Variants in TYW1B observed in about 807,000 individuals in gnomAD.
The protein encoded by TYW1B is tRNA-yW synthesizing protein 1 homolog B.
TYW1B carries 73 observed loss-of-function variants against 86.9 expected under a neutral mutation model. The observed-to-expected ratio is 0.84, with a 90% confidence interval of 0.70 to 1.02. TYW1B has a LOEUF of 1.02. Among genes scored for constraint, TYW1B ranks in the 50% least tolerant of loss-of-function variants. The probability of loss-of-function intolerance (pLI) is 0.00; values close to 1 mark genes in which losing one functional copy is unlikely to be tolerated. For missense variants in TYW1B, 637 were observed against 827.4 expected, an observed-to-expected ratio of 0.77 and a Z score of 2.82; for synonymous variants, 248 against 292.8, an observed-to-expected ratio of 0.85 and a Z score of 1.56.
At chr7:72,584,280 T>G (rs569244748) in intron 13 of TYW1B, among the ~76,000 whole-genome samples, 1 of 152,174 alleles carries the variant, frequency 6.6e-6, no homozygotes, top group Non-Finnish European at 1.5e-5. Context: ...CCAGGGCTCA[T>G]GCAATTCTCC....
chr7:72,713,059 G>C (rs1439144731), intron 10 of TYW1B, among the ~76,000 whole-genome samples: 1 of 151,788 alleles, frequency 6.6e-6, no homozygotes, highest in Non-Finnish European at 1.5e-5. Flanking sequence ...AGCACTTTCA[G>C]AGGCTGAGGC....
chr7:72,682,899 A>T (rs1554448655), intron 11 of TYW1B, among the ~76,000 whole-genome samples: 1 of 152,146 alleles, frequency 6.6e-6, no homozygotes, highest in East Asian at 1.9e-4. Flanking sequence ...TCCAGTCATT[A>T]GGGGCCCTAC....
intron 3 of TYW1B, among the ~76,000 whole-genome samples, chr7:72,814,607 T>C (rs557771385): frequency 2.0e-5 from 3 of 151,216 alleles, no homozygotes; most frequent in African/African-American, 7.3e-5. Context: ...AAAAAACTTT[T>C]AAAATTAGCA....
intron 2 of TYW1B, among the ~76,000 whole-genome samples, chr7:72,822,622 G>A (rs1313584821): frequency 2.0e-5 from 3 of 152,164 alleles, no homozygotes; most frequent in Admixed American, 1.3e-4. Context: ...GACCAAATCC[G>A]AATCAATCAA....
At chr7:72,760,849 C>T (rs1281738516) in intron 7 of TYW1B, among the ~76,000 whole-genome samples, 1 of 152,146 alleles carries the variant, frequency 6.6e-6, no homozygotes, top group Non-Finnish European at 1.5e-5. Context: ...ATAAACCCAG[C>T]CTACAACAGA....
intron 6 of TYW1B, among the ~76,000 whole-genome samples, chr7:72,792,381 C>T (rs1554473702): frequency 6.6e-6 from 1 of 151,610 alleles, no homozygotes; most frequent in Non-Finnish European, 1.5e-5. Context: ...AGAAAAAATG[C>T]AAATGAACAA....
intron 13 of TYW1B, 140 bp downstream of exon 13, chr7:72,616,532 G>A (rs1812075662): frequency 7.6e-7 from 1 of 1,317,826 alleles, no homozygotes; most frequent in Non-Finnish European, 1.0e-6. Context: ...AGAATTTAGT[G>A]CTTTCTTATT....
In TYW1B at chr7:72,710,528, A is replaced by G. The variant is rs1585920624; in HGVS notation, c.1370+3093T>C. Among the ~76,000 whole-genome samples the G allele has an allele frequency of 2.0e-5, 3 of 152,238 alleles. No homozygotes were observed. The East Asian group carries it at 5.8e-4, about 29-fold the overall frequency. On this transcript the variant is annotated intron_variant, in intron 10 of 13. Transcript: ENST00000620995. ...ATTTTAATCAACTCTTCGATTTCCT[A>G]TGACATTAAATTTCAGCCTGGGCTC... is the stretch of plus-strand genomic sequence containing the variant.
At chr7:72,724,489 GTAAAA>G (rs1283089101) in intron 9 of TYW1B, among the ~76,000 whole-genome samples, 1 of 152,046 alleles carries the variant, frequency 6.6e-6, no homozygotes, top group Non-Finnish European at 1.5e-5. Flanking sequence ...AATAAATAAA[GTAAAA>G]TAAAATAAAA....
chr7:72,660,305 T>G (rs145186135), intron 11 of TYW1B, among the ~76,000 whole-genome samples: 1,934 of 152,112 alleles, frequency 0.013, 37 homozygotes, highest in African/African-American at 0.043. Context: ...GCCCAGGAGA[T>G]CGAGGCTGCA....
intron 8 of TYW1B, among the ~76,000 whole-genome samples, chr7:72,734,257 C>CAA (rs111714599): frequency 0.17 from 6,211 of 35,870 alleles, 912 homozygotes; most frequent in East Asian, 0.54. Flanking sequence ...AACTCCATCT[C>CAA]AAAAAAAAAA....
At chr7:72,788,165 G>A (rs753169106) in intron 6 of TYW1B, among the ~76,000 whole-genome samples, 1 of 151,980 alleles carries the variant, frequency 6.6e-6, no homozygotes, top group Non-Finnish European at 1.5e-5. Context: ...TTTTTTAGTA[G>A]AGATGGGGTT....
intron 11 of TYW1B, among the ~76,000 whole-genome samples, chr7:72,693,045 A>G (rs1320299354): frequency 6.6e-6 from 1 of 152,092 alleles, no homozygotes; most frequent in Non-Finnish European, 1.5e-5. Flanking sequence ...GACGCCTGGG[A>G]TGTCTAACAA....
At chr7:72,664,097 A>T (rs1370985866) in intron 11 of TYW1B, among the ~76,000 whole-genome samples, 2 of 151,712 alleles carry the variant, frequency 1.3e-5, no homozygotes, top group Non-Finnish European at 2.9e-5. Context: ...ACCCCCACAA[A>T]CCCCAAAGCC....
chr7:72,593,629 T>G (rs182623550), intron 13 of TYW1B, among the ~76,000 whole-genome samples: 1 of 151,980 alleles, frequency 6.6e-6, no homozygotes, highest in East Asian at 1.9e-4. Context: ...GAGACCATCC[T>G]GGCTAACACA....
At chr7:72,826,219 CTG>C (rs1788926584) in intron 2 of TYW1B, among the ~76,000 whole-genome samples, 1 of 152,190 alleles carries the variant, frequency 6.6e-6, no homozygotes, top group South Asian at 2.1e-4. Context: ...CAGATTTTTC[CTG>C]TAAGTTCCTG....
At chr7:72,703,626 G>A (rs1318892208) in intron 10 of TYW1B, among the ~76,000 whole-genome samples, 1 of 151,362 alleles carries the variant, frequency 6.6e-6, no homozygotes, top group Non-Finnish European at 1.5e-5. Flanking sequence ...AGGCCAAGGC[G>A]GGCATATCAG....
At chr7:72,623,552 T>C (rs555068617) in intron 12 of TYW1B, among the ~76,000 whole-genome samples, 16 of 152,258 alleles carry the variant, frequency 1.1e-4, no homozygotes, top group Middle Eastern at 3.4e-3. Flanking sequence ...GGCCTAGTCT[T>C]CTGTCCTTTA....
chr7:72,737,228 T>G (rs1260937959), intron 8 of TYW1B, among the ~76,000 whole-genome samples: 1 of 152,224 alleles, frequency 6.6e-6, no homozygotes, highest in African/African-American at 2.4e-5. Flanking sequence ...TCAATGAACC[T>G]TTTCTGACAT....
Sources: allele counts gnomAD v4.1 joint callset (sites outside exome capture counted in the v4.1 genomes callset), GRCh38; gene constraint gnomAD v4.1.1; transcripts MANE v1.5; gene names NCBI Gene and HGNC (gene_info 2026-07-23, HGNC 2026-07-21).